Variants in KCNH1 observed in about 807,000 individuals in gnomAD.
KCNH1 encodes voltage-gated delayed rectifier potassium channel KCNH1.
In KCNH1, 27 loss-of-function variants were observed where a neutral mutation model predicts 69.2. The ratio of observed to expected loss-of-function variants is 0.39; its 90% CI spans 0.29 to 0.54. The LOEUF is 0.54. Among genes scored for constraint, KCNH1 ranks in the 20% least tolerant of loss-of-function variants. The pLI is 0.68. For missense variants in KCNH1, 798 were observed against 1,261.6 expected (o/e 0.63, Z 5.57); for synonymous variants, 456 against 487.7 (o/e 0.93, Z 0.86).
chr1:210,867,288 T>G (rs1293178194), intron 7 of KCNH1, among the ~76,000 whole-genome samples: 1 of 151,512 alleles, frequency 6.6e-6, no homozygotes, highest in Non-Finnish European at 1.5e-5. Context: ...TTTCAATATT[T>G]ATATCCACAC....
chr1:210,694,652 C>CT (rs1180846727), intron 10 of KCNH1, among the ~76,000 whole-genome samples: 2 of 152,232 alleles, frequency 1.3e-5, no homozygotes, highest in African/African-American at 4.8e-5. Flanking sequence ...GGGAGAGCCT[C>CT]TGTTTTGTGA....
At chr1:211,107,104 G>T in intron 2 of KCNH1, 150 bp downstream of exon 2, 1 of 808,408 alleles carries the variant, frequency 1.2e-6, no homozygotes, top group Non-Finnish European at 2.0e-6. Context: ...TCCCTGTACA[G>T]TACATGAACT....
At chr1:210,955,416 T>C (rs1200787804) in intron 6 of KCNH1, among the ~76,000 whole-genome samples, 1 of 152,204 alleles carries the variant, frequency 6.6e-6, no homozygotes, top group Non-Finnish European at 1.5e-5. Flanking sequence ...AACTTTAAAG[T>C]AGTTTTTTCC....
At chr1:211,029,171 A>C (rs1213522647) in intron 5 of KCNH1, among the ~76,000 whole-genome samples, 3 of 148,770 alleles carry the variant, frequency 2.0e-5, no homozygotes, top group African/African-American at 7.4e-5. Flanking sequence ...CTCTACAAAA[A>C]AAAAAAAAAA....
chr1:210,738,127 T>A (rs971589336), intron 10 of KCNH1, among the ~76,000 whole-genome samples: 11 of 151,688 alleles, frequency 7.3e-5, no homozygotes, highest in Non-Finnish European at 1.5e-4. Context: ...ACCATATTGG[T>A]CTCTTTGCTT....
chr1:210,922,005 A>G (rs1270198952), intron 6 of KCNH1, among the ~76,000 whole-genome samples: 1 of 152,108 alleles, frequency 6.6e-6, no homozygotes, highest in East Asian at 1.9e-4. Context: ...AGCCTTGTCA[A>G]TATAGACCAT....
chr1:210,860,007 G>A (rs765853203), intron 7 of KCNH1: 7 of 1,588,486 alleles, frequency 4.4e-6, no homozygotes, highest in Non-Finnish European at 6.0e-6. Context: ...CACGAATAAG[G>A]GAATGCACTG....
intron 7 of KCNH1, among the ~76,000 whole-genome samples, chr1:210,844,024 A>G (rs1685481775): frequency 6.6e-6 from 1 of 152,170 alleles, no homozygotes; most frequent in South Asian, 2.1e-4. Context: ...GACTTCTGTC[A>G]TGGCCCATGT....
intron 6 of KCNH1, among the ~76,000 whole-genome samples, chr1:211,016,479 C>T (rs1278709737): frequency 6.6e-6 from 1 of 152,094 alleles, no homozygotes; most frequent in Non-Finnish European, 1.5e-5. Context: ...ATTTCACTTT[C>T]CATATGTGTT....
At chr1:210,767,806 G>A (rs1683667525) in intron 10 of KCNH1, among the ~76,000 whole-genome samples, 1 of 152,166 alleles carries the variant, frequency 6.6e-6, no homozygotes, top group Non-Finnish European at 1.5e-5. Context: ...ACTCTTCTAA[G>A]CTAGGCCAGA....
intron 5 of KCNH1, among the ~76,000 whole-genome samples, chr1:211,020,561 T>C (rs1689570859): frequency 6.6e-6 from 1 of 152,058 alleles, no homozygotes; most frequent in African/African-American, 2.4e-5. Context: ...TTACCAAAGT[T>C]TTAAAGAAGA....
intron 10 of KCNH1, among the ~76,000 whole-genome samples, chr1:210,719,722 TAAG>T (rs1175432831): frequency 6.6e-6 from 1 of 151,862 alleles, no homozygotes; most frequent in East Asian, 1.9e-4. Context: ...AAAAAAAAAA[TAAG>T]ATCATTTTTC....
At chr1:210,965,970 C>T (rs1479810726) in intron 6 of KCNH1, among the ~76,000 whole-genome samples, 2 of 152,134 alleles carry the variant, frequency 1.3e-5, no homozygotes, top group African/African-American at 4.8e-5. Flanking sequence ...ATCACGCTAC[C>T]TGACTTCAAA....
intron 7 of KCNH1, among the ~76,000 whole-genome samples, chr1:210,831,071 G>A (rs1247394590): frequency 6.6e-6 from 1 of 152,186 alleles, no homozygotes; most frequent in African/African-American, 2.4e-5. Flanking sequence ...TCAATTCTAA[G>A]TCTGACCAAG....
intron 7 of KCNH1, chr1:210,862,042 GTATAAGGGGA>G (rs1235343799): frequency 1.3e-6 from 1 of 786,226 alleles, no homozygotes; most frequent in African/African-American, 1.7e-5. Flanking sequence ...TTCTGGAATA[GTATAAGGGGA>G]TATATACTTT....
chr1:211,073,765 A>C (rs1690686272), intron 5 of KCNH1, among the ~76,000 whole-genome samples: 1 of 152,172 alleles, frequency 6.6e-6, no homozygotes, highest in Non-Finnish European at 1.5e-5. Context: ...GAAAAGAAAA[A>C]AATCAAAAAT....
At chr1:210,835,852 T>G (rs1685269413) in intron 7 of KCNH1, among the ~76,000 whole-genome samples, 1 of 152,058 alleles carries the variant, frequency 6.6e-6, no homozygotes, top group South Asian at 2.1e-4. Context: ...TTTCTAGGCC[T>G]GGCATGGTGG....
chr1:210,902,052 G>C (rs1687007332), intron 7 of KCNH1, among the ~76,000 whole-genome samples: 1 of 152,148 alleles, frequency 6.6e-6, no homozygotes, highest in Non-Finnish European at 1.5e-5. Context: ...CAGAAGAGTG[G>C]AGGGGCCCCA....
chr1:210,777,255 G>C lies in KCNH1; in HGVS notation c.1916-1711C>G, dbSNP rs535880600. ...TCCATTCTAAGTATGTAAGATATCT[G>C]TGGGCACAGCCTTCCCTAAGAACCT... On this transcript the variant is annotated intron_variant, in intron 9 of 10. Coordinates refer to ENST00000271751, the MANE Select transcript of KCNH1 (RefSeq NM_172362.3). Among the ~76,000 whole-genome samples the C allele has an allele frequency of 5.3e-5, 8 of 152,280 alleles. No individual in the cohort carries two copies. The South Asian group carries it at 1.7e-3, about 32-fold the overall frequency.
Sources: allele counts gnomAD v4.1 joint callset (sites outside exome capture counted in the v4.1 genomes callset), GRCh38; gene constraint gnomAD v4.1.1; transcripts MANE v1.5; gene names NCBI Gene and HGNC (gene_info 2026-07-23, HGNC 2026-07-21).